Variants in GOLM1 observed in about 807,000 individuals in gnomAD.
GOLM1 encodes golgi membrane protein 1.
GOLM1 carries 31 observed loss-of-function variants against 50.5 expected under a neutral mutation model. The observed-to-expected ratio is 0.61, with a 90% CI of 0.46 to 0.83. The LOEUF is 0.83. Ranked by LOEUF, GOLM1 falls within the 40% of genes least tolerant of loss-of-function variation. The pLI is 0.00. For missense variants in GOLM1, 491 were observed against 501.3 expected (o/e 0.98, Z 0.20); for synonymous variants, 178 against 192.8 (o/e 0.92, Z 0.64).
chr9:86,098,803 G>A (rs1276005024), intron 1 of GOLM1, among the ~76,000 whole-genome samples: 1 of 152,180 alleles, frequency 6.6e-6, no homozygotes, highest in Non-Finnish European at 1.5e-5. Context: ...AGAAAACCCC[G>A]AGCATCCACG....
chr9:86,077,264 G>C (rs1834645771), intron 3 of GOLM1, 148 bp downstream of exon 3: 2 of 656,200 alleles, frequency 3.0e-6, no homozygotes, highest in Non-Finnish European at 5.4e-6. Context: ...GAAAGGGAGA[G>C]AATGCCCAAA....
chr9:86,089,575 C>T (rs868176428), intron 1 of GOLM1, among the ~76,000 whole-genome samples: 2 of 152,032 alleles, frequency 1.3e-5, no homozygotes, highest in African/African-American at 2.4e-5. Flanking sequence ...ATATGCTTCA[C>T]GAAGTTCTCG....
intron 3 of GOLM1, among the ~76,000 whole-genome samples, chr9:86,070,060 T>C (rs1003902247): frequency 6.6e-6 from 1 of 151,916 alleles, no homozygotes; most frequent in Admixed American, 6.6e-5. Context: ...ATTTTTTGTA[T>C]TTTTGGTAGA....
intron 3 of GOLM1, among the ~76,000 whole-genome samples, chr9:86,055,769 T>A (rs1833966056): frequency 6.6e-6 from 1 of 151,934 alleles, no homozygotes; most frequent in South Asian, 2.1e-4. Context: ...AATAGAAAGG[T>A]GGCTGTCCAG....
intron 7 of GOLM1, among the ~76,000 whole-genome samples, chr9:86,035,886 A>AAAAAAC (rs1833123154): frequency 2.0e-5 from 3 of 148,736 alleles, no homozygotes; most frequent in African/African-American, 5.0e-5. Flanking sequence ...AACAAAACAA[A>AAAAAAC]AAAAAAAAAA....
chr9:86,052,911 C>T (rs73477000), intron 3 of GOLM1, among the ~76,000 whole-genome samples: 6,550 of 119,874 alleles, frequency 0.055, 472 homozygotes, highest in African/African-American at 0.18. Flanking sequence ...ACAGCAGAGG[C>T]TCTGGGCACC....
chr9:86,095,401 G>GT (rs1835328208), intron 1 of GOLM1, among the ~76,000 whole-genome samples: 1 of 140,730 alleles, frequency 7.1e-6, no homozygotes, highest in Admixed American at 7.0e-5. Flanking sequence ...GCTAATTTTT[G>GT]TATTTTCCCT....
chr9:86,078,693 C>T (rs1211839670), intron 2 of GOLM1, among the ~76,000 whole-genome samples: 1 of 152,174 alleles, frequency 6.6e-6, no homozygotes, highest in Non-Finnish European at 1.5e-5. Flanking sequence ...CTGCTCAGCA[C>T]TGCACCTGAC....
Position 86,026,546 on chromosome 9 carries a change from G to A in GOLM1, c.*1271C>T. The stretch of plus-strand genomic sequence containing the variant: ...CCCATTTTCCCCTCTGAAAATAAGA[G>A]GGTTGGATCAAACGATCTCTGGGGC... On this transcript the variant is annotated 3_prime_UTR_variant, in exon 10 of 10. Coordinates refer to ENST00000388712, the MANE Select transcript of GOLM1 (RefSeq NM_016548.4). 5 of 896,684 alleles carry A rather than the reference G, an allele frequency of 5.6e-6. No individual in the cohort carries two copies. Among genetic ancestry groups the A allele is most frequent in the Non-Finnish European group, 6.7e-6 (5 of 749,050 alleles). 55.5% of individuals were successfully genotyped at this position (896,684 alleles called of 1,614,324 possible). A position where few individuals can be genotyped will look rare whatever the true frequency, so the allele number is the denominator to read the frequency against.
chr9:86,054,073 A>C (rs995765862), intron 3 of GOLM1, among the ~76,000 whole-genome samples: 10 of 152,194 alleles, frequency 6.6e-5, no homozygotes, highest in Non-Finnish European at 1.3e-4. Context: ...GGAGGGTTTC[A>C]CACACAGTCT....
chr9:86,041,395 G>A (rs968897224), intron 5 of GOLM1, among the ~76,000 whole-genome samples: 2 of 152,306 alleles, frequency 1.3e-5, no homozygotes, highest in South Asian at 4.1e-4. Context: ...GAAGGGAGGA[G>A]TGGAGATTGA....
chr9:86,031,641 T>C (rs1832988038), intron 9 of GOLM1, among the ~76,000 whole-genome samples: 2 of 151,628 alleles, frequency 1.3e-5, no homozygotes, highest in Admixed American at 1.3e-4. Context: ...TTCTTGTATT[T>C]AGTAGAGACG....
chr9:86,062,547 G>C (rs1834191717), intron 3 of GOLM1, among the ~76,000 whole-genome samples: 1 of 151,002 alleles, frequency 6.6e-6, no homozygotes, highest in Non-Finnish European at 1.5e-5. Context: ...AAAGAGGACA[G>C]AGTAGGATGG....
At chr9:86,075,240 TATG>T (rs1263249342) in intron 3 of GOLM1, among the ~76,000 whole-genome samples, 1 of 152,250 alleles carries the variant, frequency 6.6e-6, no homozygotes, top group East Asian at 1.9e-4. Flanking sequence ...CTGCTCAGTT[TATG>T]ATATTTTGTT....
In GOLM1 at chr9:86,052,471, A is replaced by G. The variant is rs369027149; in HGVS notation, c.364+66T>C. 1.9e-4 allele frequency: 264 copies of G among 1,354,978 alleles called. No individual in the cohort carries two copies. In the African/African-American group the frequency reaches 3.1e-3, roughly 16 times the overall value. 83.9% of individuals were successfully genotyped at this position (1,354,978 alleles called of 1,614,324 possible). On this transcript the variant is annotated intron_variant, in intron 4 of 9. Coordinates refer to ENST00000388712, the MANE Select transcript of GOLM1 (RefSeq NM_016548.4). ...AATGGAGACCCACCTGGGCCTAGAG[A>G]AGGAGAGAAAGGGAGTTTCCTCCTC...
At chr9:86,090,801 A>C (rs1324267590) in intron 1 of GOLM1, among the ~76,000 whole-genome samples, 1 of 151,184 alleles carries the variant, frequency 6.6e-6, no homozygotes, top group Non-Finnish European at 1.5e-5. Flanking sequence ...AAAAAAAAAA[A>C]AAAAAAAAAA....
chr9:86,056,687 G>T (rs1200178164), intron 3 of GOLM1, among the ~76,000 whole-genome samples: 1 of 151,798 alleles, frequency 6.6e-6, no homozygotes, highest in Non-Finnish European at 1.5e-5. Context: ...TTTTATTTTA[G>T]TAGAGACAGG....
intron 3 of GOLM1, among the ~76,000 whole-genome samples, chr9:86,077,160 T>C (rs749757872): frequency 6.6e-6 from 1 of 151,070 alleles, no homozygotes; most frequent in African/African-American, 2.4e-5. Context: ...AAAAAGCCAA[T>C]AGGAGGATGA....
rs937607890 is a variant in GOLM1, at chr9:86,094,192, C to T, written c.-22+5219G>A. Among the ~76,000 whole-genome samples the T allele has an allele frequency of 2.0e-5, 3 of 151,768 alleles. No homozygotes were observed. In the East Asian group the frequency reaches 5.8e-4, roughly 29 times the overall value. On this transcript the variant is annotated intron_variant, in intron 1 of 9. Transcript: ENST00000388712. ...TTTTTTTTTTTAAAGTTTTACTATA[C>T]ACTGCCATAAATACTGCCTATGGCT...
Sources: gnomAD v4.1 joint callset for allele counts (sites outside exome capture counted in the v4.1 genomes callset) on GRCh38, gnomAD v4.1.1 for gene constraint, MANE v1.5 for transcripts, NCBI Gene and HGNC (gene_info 2026-07-23, HGNC 2026-07-21) for gene names.